POLA1: variants seen among roughly 807,000 people sequenced by gnomAD.
POLA1 encodes the protein DNA polymerase alpha 1, catalytic subunit, also known as DNA polymerase alpha catalytic subunit.
Under a neutral mutation model 124.0 loss-of-function variants are expected in POLA1, and 15 were observed. The observed-to-expected ratio is 0.12, with a 90% CI of 0.08 to 0.19. POLA1 has a LOEUF of 0.19. Ranked by LOEUF, POLA1 falls within the 10% of genes least tolerant of loss-of-function variation. POLA1 has a pLI of 1.00. For missense variants in POLA1, 886 were observed against 1,103.4 expected, an observed-to-expected ratio of 0.80 and a Z score of 2.79; for synonymous variants, 408 against 389.4, an observed-to-expected ratio of 1.05 and a Z score of -0.56.
At chrX:24,774,125 G>A (rs943638873) in intron 26 of POLA1, among the ~76,000 whole-genome samples, 2 of 111,604 alleles carry the variant, frequency 1.8e-5, no homozygotes, top group Non-Finnish European at 3.8e-5. Context: ...AGTGGCATAT[G>A]TAGGATTATC....
At chrX:24,735,080 A>G (rs1174419835) in intron 17 of POLA1, among the ~76,000 whole-genome samples, 7 of 112,173 alleles carry the variant, frequency 6.2e-5, no homozygotes, top group Non-Finnish European at 7.5e-5. Flanking sequence ...TGTTTTTGAT[A>G]GGTACTCTGA....
At position 24,752,991 on chromosome X, in the gene POLA1, G is replaced by A. The variant is rs1054292718; in HGVS notation, c.2964+3999G>A. 5.4e-5 allele frequency among the ~76,000 whole-genome samples: 6 copies of A among 110,632 alleles called. No individual in the cohort carries two copies. The South Asian group carries it at 1.1e-3, about 21-fold the overall frequency. ...CTTTTTGAATTTGTTTTTTTATTGC[G>A]AAATTTTTTATTTTATTTTATTTTA... is the stretch of plus-strand genomic sequence containing the variant. On this transcript the variant is annotated intron_variant, in intron 26 of 36. Coordinates refer to ENST00000379068, the MANE Select transcript of POLA1 (RefSeq NM_001330360.2).
chrX:24,734,763 G>C (rs866422071), intron 17 of POLA1, among the ~76,000 whole-genome samples: 23 of 110,677 alleles, frequency 2.1e-4, no homozygotes, highest in Middle Eastern at 4.7e-3. Flanking sequence ...TTACAGGCTC[G>C]TGGCACCACG....
intron 36 of POLA1, among the ~76,000 whole-genome samples, chrX:24,968,764 T>C (rs2048262349): frequency 9.1e-6 from 1 of 110,098 alleles, no homozygotes; most frequent in Admixed American, 9.7e-5. Context: ...TGAGATTGCA[T>C]TTCTTCCTCT....
Position 24,732,355 on chromosome X carries a change from C to T in POLA1, c.1687-15C>T, listed in dbSNP as rs11573348. ...AGCGGTCTGGTAAGTGGGTTTTTTC[C>T]TCCTTTCTTTGCAGATTATTGCTAT... On this transcript the variant is annotated splice_polypyrimidine_tract_variant and intron_variant, in intron 15 of 36. Coordinates refer to ENST00000379068, the MANE Select transcript of POLA1 (RefSeq NM_001330360.2). The T allele has an allele frequency of 6.9e-3, 7,803 of 1,133,658 alleles. 26 individuals are homozygous for T. The highest frequency in any genetic ancestry group is 8.5e-3 in the Non-Finnish European group (7,034 of 826,533). 93.4% of individuals were successfully genotyped at this position (1,133,658 alleles called of 1,213,427 possible).
At chrX:24,727,501 G>A (rs2148363796) in intron 14 of POLA1, among the ~76,000 whole-genome samples, 1 of 111,871 alleles carries the variant, frequency 8.9e-6, no homozygotes, top group Non-Finnish European at 1.9e-5. Flanking sequence ...CTCCAAGGCA[G>A]TGTTTCAGTT....
In POLA1 at chrX:24,699,463, C is replaced by T. The variant is rs769005882; in HGVS notation, c.82C>T (p.Arg28Trp). The T allele has an allele frequency of 4.3e-6, 5 of 1,174,908 alleles. No individual in the cohort carries two copies. The highest frequency in any genetic ancestry group is 2.3e-5 in the Admixed American group (1 of 43,795). ...AGGGAGTTTTGTATCTTCTCGAGCC[C>T]GGCGAGAAAAAAAATCAAAGAAGGG... ...DSGSFVSSRA[R>W]REKKSKKGRQ... The change falls in exon 2 of 37, where the codon CGG (arginine) becomes TGG (tryptophan). Residue 28 changes from arginine (R) to tryptophan (W), a missense_variant. Physicochemically the swap from Arg to Trp is moderately radical, Grantham distance 101. This residue lies in a region of POLA1 where 49 missense variants were observed against 39.2 expected (regional missense o/e 1.25). Transcript: ENST00000379068.
At chrX:24,729,452 A>G (rs1930754142) in intron 15 of POLA1, among the ~76,000 whole-genome samples, 2 of 112,315 alleles carry the variant, frequency 1.8e-5, no homozygotes, top group Non-Finnish European at 3.8e-5. Flanking sequence ...AGTTAATTTC[A>G]TTAGAAGTCG....
intron 10 of POLA1, 108 bp downstream of exon 10, chrX:24,717,866 GTTTA>G: frequency 1.9e-6 from 1 of 513,117 alleles, no homozygotes; most frequent in African/African-American, 2.5e-5. Context: ...TATTTAATCA[GTTTA>G]TTTCTGTTTT....
Position 24,967,383 on chromosome X carries a change from A to G in POLA1, c.4262-28422A>G, listed in dbSNP as rs1200760887. ...GTTTGAGGGGCTGTAGTATTAAGAA[A>G]TTGAGGCTGGGCGCAGTGGCTCACG... On this transcript the variant is annotated intron_variant, in intron 36 of 36. Coordinates refer to ENST00000379068, the MANE Select transcript of POLA1 (RefSeq NM_001330360.2). Among the ~76,000 whole-genome samples, 3 of 111,120 alleles carry G rather than the reference A, an allele frequency of 2.7e-5. No homozygotes were observed. In the East Asian group the frequency reaches 8.4e-4, roughly 31 times the overall value.
At chrX:24,787,966 A>G (rs1423747529) in intron 26 of POLA1, among the ~76,000 whole-genome samples, 1 of 112,249 alleles carries the variant, frequency 8.9e-6, no homozygotes, top group Admixed American at 9.4e-5. Flanking sequence ...CCCCAATAAA[A>G]TACTACTAGC....
intron 34 of POLA1, among the ~76,000 whole-genome samples, chrX:24,846,604 T>C (rs1406950434): frequency 8.9e-6 from 1 of 111,736 alleles, no homozygotes; most frequent in Non-Finnish European, 1.9e-5. Context: ...CAGTGAAAAA[T>C]TGATATGTGT....
intron 34 of POLA1, among the ~76,000 whole-genome samples, chrX:24,863,422 G>A (rs1219931365): frequency 9.0e-6 from 1 of 111,630 alleles, no homozygotes; most frequent in East Asian, 2.8e-4. Context: ...AATGAATGTT[G>A]GAAAAAGAAT....
intron 34 of POLA1, among the ~76,000 whole-genome samples, chrX:24,855,782 A>G (rs936771396): frequency 2.7e-5 from 3 of 111,251 alleles, no homozygotes; most frequent in Non-Finnish European, 3.8e-5. Flanking sequence ...TGTTCCATGT[A>G]TACCAAAACC....
At chrX:24,900,125 G>A (rs565773692) in intron 35 of POLA1, among the ~76,000 whole-genome samples, 7 of 111,364 alleles carry the variant, frequency 6.3e-5, no homozygotes, top group Non-Finnish European at 9.4e-5. Flanking sequence ...GGTTTTTTAC[G>A]TTCAAAGCAG....
At chrX:24,786,696 T>A (rs2045369807) in intron 26 of POLA1, among the ~76,000 whole-genome samples, 1 of 88,759 alleles carries the variant, frequency 1.1e-5, no homozygotes, top group Admixed American at 1.3e-4. Context: ...TTTTTTTTTT[T>A]TTTTTTTTTT....
chrX:24,866,124 A>G (rs1441572371), intron 34 of POLA1, among the ~76,000 whole-genome samples: 1 of 112,224 alleles, frequency 8.9e-6, no homozygotes, highest in Admixed American at 9.4e-5. Flanking sequence ...TGAAGATTCA[A>G]TTGAGAAATG....
chrX:24,833,439 T>C (rs964360610), intron 32 of POLA1, among the ~76,000 whole-genome samples: 1 of 112,351 alleles, frequency 8.9e-6, no homozygotes, highest in African/African-American at 3.2e-5. Context: ...CTGGATCAAA[T>C]GGTAATTCTA....
intron 36 of POLA1, 52 bp downstream of exon 36, chrX:24,930,601 A>C: frequency 1.2e-6 from 1 of 807,637 alleles, no homozygotes; most frequent in Non-Finnish European, 1.9e-6. Flanking sequence ...AATTTGCATT[A>C]TAAAAGCCAG....
Sources: allele counts gnomAD v4.1 joint callset (sites outside exome capture counted in the v4.1 genomes callset), GRCh38; gene constraint gnomAD v4.1.1; regional missense constraint gnomAD v4.1.1; transcripts MANE v1.5; gene names NCBI Gene and HGNC (gene_info 2026-07-23, HGNC 2026-07-21).